Variants in JPH1 observed in about 807,000 individuals in gnomAD.
JPH1 encodes the protein junctophilin-1.
A neutral mutation model predicts 53.6 loss-of-function variants in JPH1; 12 were observed. That is an observed-to-expected ratio of 0.22 (90% confidence interval 0.14 to 0.36). The LOEUF is 0.36. Ranked by LOEUF, JPH1 falls within the 10% of genes least tolerant of loss-of-function variation. The pLI is 1.00. For synonymous variants in JPH1, 375 were observed against 363.8 expected (o/e 1.03, Z -0.35); for missense variants, 808 against 905.5 (o/e 0.89, Z 1.38).
intron 2 of JPH1, among the ~76,000 whole-genome samples, chr8:74,290,699 C>T (rs918395315): frequency 1.3e-5 from 2 of 152,190 alleles, no homozygotes; most frequent in Non-Finnish European, 2.9e-5. Context: ...AAGAACAAAG[C>T]TGGAGGCATC....
At chr8:74,289,319 A>G (rs1807256350) in intron 2 of JPH1, among the ~76,000 whole-genome samples, 1 of 152,254 alleles carries the variant, frequency 6.6e-6, no homozygotes, top group South Asian at 2.1e-4. Flanking sequence ...CACTAGCTAC[A>G]GCATGACCTT....
intron 3 of JPH1, among the ~76,000 whole-genome samples, chr8:74,246,732 T>C (rs563760380): frequency 1.3e-5 from 2 of 152,264 alleles, no homozygotes; most frequent in South Asian, 2.1e-4. Context: ...CAAAACATAA[T>C]AGTATTATCA....
chr8:74,264,732 A>G (rs1421105614), intron 2 of JPH1, among the ~76,000 whole-genome samples: 3 of 152,172 alleles, frequency 2.0e-5, no homozygotes, highest in African/African-American at 4.8e-5. Flanking sequence ...TCATTATACA[A>G]ATGCATCCAC....
chr8:74,251,246 G>A (rs1806045406), intron 3 of JPH1, among the ~76,000 whole-genome samples: 1 of 152,156 alleles, frequency 6.6e-6, no homozygotes, highest in South Asian at 2.1e-4. Flanking sequence ...TTTTGCCTCT[G>A]TGACTCTTTT....
chr8:74,272,068 T>C (rs1389740302), intron 2 of JPH1, among the ~76,000 whole-genome samples: 4 of 152,254 alleles, frequency 2.6e-5, no homozygotes, highest in African/African-American at 7.2e-5. Flanking sequence ...GTTACGCATG[T>C]CCTGCTGTCC....
chr8:74,237,073 T>C, intron 5 of JPH1, 38 bp from the exon 6 acceptor site: 1 of 630,670 alleles, frequency 1.6e-6, no homozygotes, highest in Non-Finnish European at 2.8e-6. Context: ...TAAGTAACTA[T>C]GTTGAATCAC....
chr8:74,259,601 G>A, intron 2 of JPH1, 98 bp from the exon 3 acceptor site: 1 of 944,002 alleles, frequency 1.1e-6, no homozygotes, highest in Non-Finnish European at 1.5e-6. Flanking sequence ...TGTTAATTAT[G>A]ATTATGGCCC....
At chr8:74,286,630 T>C (rs1807172053) in intron 2 of JPH1, among the ~76,000 whole-genome samples, 1 of 152,238 alleles carries the variant, frequency 6.6e-6, no homozygotes, top group Non-Finnish European at 1.5e-5. Flanking sequence ...CTCCCTAACC[T>C]ACCTGATTTA....
intron 2 of JPH1, among the ~76,000 whole-genome samples, chr8:74,271,069 A>G (rs1450095731): frequency 6.6e-6 from 1 of 152,226 alleles, no homozygotes; most frequent in African/African-American, 2.4e-5. Flanking sequence ...AAGAATCTCA[A>G]GAATTACTCT....
rs1244332905 is a variant in JPH1 at position 74,320,817 on chromosome 8, T to TG, written c.379+91dup. ...GTGTTTTGGCGGGTTTCCGGACACG[T>TG]GCGCCCGGCGTCCTCCCCGCTTCCC... On this transcript the variant is annotated intron_variant, in intron 1 of 5. Coordinates refer to ENST00000342232, the MANE Select transcript of JPH1 (RefSeq NM_020647.4). The surrounding 1 kb of genome is among the most constrained non-coding windows in gnomAD (Gnocchi z 4.4). 1 of 1,363,924 alleles carries TG rather than the reference T, an allele frequency of 7.3e-7. No homozygotes were observed. Among genetic ancestry groups the TG allele is most frequent in the Non-Finnish European group, 9.5e-7 (1 of 1,051,416 alleles). 84.5% of individuals were successfully genotyped at this position (1,363,924 alleles called of 1,614,324 possible). A position where few individuals can be genotyped will look rare whatever the true frequency, so the allele number is the denominator to read the frequency against.
intron 2 of JPH1, among the ~76,000 whole-genome samples, chr8:74,263,693 C>T (rs1324598956): frequency 6.6e-6 from 1 of 152,234 alleles, no homozygotes; most frequent in Non-Finnish European, 1.5e-5. Flanking sequence ...ACAAAGGTAA[C>T]TGACCTCCCT....
At chr8:74,240,552 A>C (rs1307497821) in intron 4 of JPH1, among the ~76,000 whole-genome samples, 1 of 152,158 alleles carries the variant, frequency 6.6e-6, no homozygotes, top group Non-Finnish European at 1.5e-5. Context: ...TCACATCATG[A>C]CCAGATGTTG....
At position 74,265,512 on chromosome 8, in the gene JPH1, C is replaced by A. The variant is rs72663656; in HGVS notation, c.1140-6009G>T. Among the ~76,000 whole-genome samples the A allele has an allele frequency of 5.1e-3, 781 of 152,204 alleles. 4 individuals are homozygous for A. Among genetic ancestry groups the A allele is most frequent in the Non-Finnish European group, 8.9e-3 (607 of 67,986 alleles). ...TTTATAAAACTTATCTAAGACTTAC[C>A]TTCTCATGTTATTTATGGGTTGAGA... On this transcript the variant is annotated intron_variant, in intron 2 of 5. Transcript: ENST00000342232.
intron 2 of JPH1, among the ~76,000 whole-genome samples, chr8:74,283,539 A>G (rs1422760149): frequency 8.5e-5 from 13 of 152,184 alleles, no homozygotes; most frequent in Admixed American, 7.9e-4. Flanking sequence ...GGAAGGTGAG[A>G]AGGAGGAAAG....
intron 3 of JPH1, among the ~76,000 whole-genome samples, chr8:74,247,377 A>C (rs2131379874): frequency 6.6e-6 from 1 of 152,360 alleles, no homozygotes; most frequent in South Asian, 2.1e-4. Context: ...TAAAATAGTC[A>C]AGGGCCTTGG....
At chr8:74,276,235 A>G (rs1233477399) in intron 2 of JPH1, among the ~76,000 whole-genome samples, 3 of 152,186 alleles carry the variant, frequency 2.0e-5, no homozygotes, top group Non-Finnish European at 2.9e-5. Context: ...TTTAGGTAAA[A>G]GAGTCGTGAC....
intron 2 of JPH1, among the ~76,000 whole-genome samples, chr8:74,279,576 C>T (rs1324545885): frequency 6.6e-6 from 1 of 152,216 alleles, no homozygotes; most frequent in African/African-American, 2.4e-5. Flanking sequence ...AGACTCCTCA[C>T]TACTTAGGCC....
In JPH1 at chr8:74,315,463, G is replaced by A; in HGVS notation, c.537C>T (p.Ala179=). Residue 179 remains alanine (A), a synonymous_variant, in exon 2 of 6, where the codon GCC becomes GCT. Coordinates refer to ENST00000342232, the MANE Select transcript of JPH1 (RefSeq NM_020647.4). The surrounding 1 kb of genome is among the most constrained non-coding windows in gnomAD (Gnocchi z 6.3). Reference sequence around the variant, plus strand: ...CGGCCGGGCTGTCGGCGGCGGCTGCGGCGTCGTGGAGCACGCTGCCATTGC... The same window carrying A: ...CGGCCGGGCTGTCGGCGGCGGCTGCAGCGTCGTGGAGCACGCTGCCATTGC... The part of the protein sequence containing the change: ...EQSNGSVLHD[A]AAAADSPAGT... The A allele has an allele frequency of 6.2e-7, 1 of 1,608,256 alleles. No homozygotes were observed. The highest frequency in any genetic ancestry group is 8.5e-7 in the Non-Finnish European group (1 of 1,177,954).
chr8:74,314,996 A>C lies in JPH1; in HGVS notation c.1004T>G (p.Ile335Ser). 6.2e-7 allele frequency: 1 copy of C among 1,614,170 alleles called. No individual in the cohort carries two copies. The highest frequency in any genetic ancestry group is 8.5e-7 in the Non-Finnish European group (1 of 1,180,036). Residue 335 changes from isoleucine (I) to serine (S), a missense_variant, in exon 2 of 6, where the codon ATT (isoleucine) becomes AGT (serine). By Grantham distance (142) the Ile-to-Ser change is moderately radical (BLOSUM62 -2). Transcript: ENST00000342232. ...CTGCTTCCTTATCCCACGGACCAGA[A>C]TATTATTTTTGTATTTTCCCTCTTC... is the stretch of plus-strand genomic sequence containing the variant. ...SKEEGKYKNN[I>S]LVRGIRKQLI... is the part of the protein sequence containing the mutation.
Sources: gnomAD v4.1 joint callset for allele counts (sites outside exome capture counted in the v4.1 genomes callset) on GRCh38, gnomAD v4.1.1 for gene constraint, Gnocchi (gnomAD v3.1) non-coding constraint, MANE v1.5 for transcripts, NCBI Gene and HGNC (gene_info 2026-07-23, HGNC 2026-07-21) for gene names.